The following HEXB variants were observed in gnomAD, a reference collection of about 807,000 sequenced individuals.
HEXB encodes the protein beta-hexosaminidase subunit beta.
HEXB carries 51 observed loss-of-function variants against 71.2 expected under a neutral mutation model. The ratio of observed to expected loss-of-function variants is 0.72; its 90% confidence interval spans 0.57 to 0.90. The LOEUF is 0.90. Among genes scored for constraint, HEXB ranks in the 40% least tolerant of loss-of-function variants. The probability of loss-of-function intolerance (pLI) is 0.00; values close to 1 mark genes in which losing one functional copy is unlikely to be tolerated. For missense variants in HEXB, 617 were observed against 677.0 expected, an observed-to-expected ratio of 0.91 and a Z score of 0.98; for synonymous variants, 266 against 249.3, an observed-to-expected ratio of 1.07 and a Z score of -0.63.
chr5:74,654,587 A>G, intron 1 of HEXB, among the ~76,000 whole-genome samples: 1 of 152,210 alleles, frequency 6.6e-6, no homozygotes, highest in East Asian at 1.9e-4. Context: ...TTCTAGGCAG[A>G]TGAGGGAAGG....
intron 1 of HEXB, among the ~76,000 whole-genome samples, chr5:74,671,888 A>G (rs556396479): frequency 8.5e-5 from 13 of 152,230 alleles, no homozygotes; most frequent in African/African-American, 3.1e-4. Context: ...TCTGTCTGCA[A>G]TGGGAGGACT....
At chr5:74,655,444 G>C (rs4704154) in intron 1 of HEXB, among the ~76,000 whole-genome samples, 39,216 of 151,226 alleles carry the variant, frequency 0.26, 5,413 homozygotes, top group Admixed American at 0.37. Flanking sequence ...TCCTGAGTAG[G>C]TGAGATTACA....
At chr5:74,695,108 A>C (rs1295676180) in intron 3 of HEXB, among the ~76,000 whole-genome samples, 2 of 152,128 alleles carry the variant, frequency 1.3e-5, no homozygotes, top group East Asian at 3.9e-4. Flanking sequence ...ATTTACTACA[A>C]ATGTAATTTT....
rs751120507 is a variant in HEXB, at chr5:74,705,216, C to T, written c.670-3C>T. ...AATAATTTTTAAATATGTTTGCTTG[C>T]AGGATGCCATGGCTTTTAATAAGTT... On this transcript the variant is annotated splice_polypyrimidine_tract_variant and splice_region_variant and intron_variant, in intron 5 of 13. Coordinates refer to ENST00000261416, the MANE Select transcript of HEXB (RefSeq NM_000521.4). 1.9e-6 allele frequency: 3 copies of T among 1,567,480 alleles called. No individual in the cohort carries two copies. In the Admixed American group the frequency reaches 5.0e-5, roughly 26 times the overall value.
At chr5:74,678,114 T>A (rs1748669517) in intron 1 of HEXB, among the ~76,000 whole-genome samples, 1 of 151,980 alleles carries the variant, frequency 6.6e-6, no homozygotes, top group African/African-American at 2.4e-5. Context: ...CTGGCCAACA[T>A]GGTGAAACCC....
chr5:74,662,148 C>T (rs1044297336), intron 1 of HEXB, among the ~76,000 whole-genome samples: 1 of 151,808 alleles, frequency 6.6e-6, no homozygotes, highest in Non-Finnish European at 1.5e-5. Context: ...CCAGAGAAAA[C>T]CACCATGATT....
Position 74,718,834 on chromosome 5 carries a change from G to A in HEXB, c.1280G>A (p.Ser427Asn), listed in dbSNP as rs753259431. 9.3e-6 allele frequency: 15 copies of A among 1,614,028 alleles called. No individual in the cohort carries two copies. The highest frequency in any genetic ancestry group is 1.3e-5 in the Non-Finnish European group (15 of 1,180,020). Reference sequence around the variant, plus strand: ...ACAATAGTTGAAGTATGGAAAGACAGCGCATATCCTGAGGAACTCAGTAGA... The same window carrying A: ...ACAATAGTTGAAGTATGGAAAGACAACGCATATCCTGAGGAACTCAGTAGA... ...PGTIVEVWKD[S>N]AYPEELSRVT... is the part of the protein sequence containing the mutation. Residue 427 changes from serine to asparagine, a missense_variant, in exon 11 of 14, where the codon AGC becomes AAC. Ser to Asn is a conservative substitution (Grantham distance 46). Coordinates refer to ENST00000261416, the MANE Select transcript of HEXB (RefSeq NM_000521.4).
intron 7 of HEXB, among the ~76,000 whole-genome samples, chr5:74,714,065 C>T (rs948227563): frequency 6.6e-6 from 1 of 152,150 alleles, no homozygotes; most frequent in Non-Finnish European, 1.5e-5. Flanking sequence ...TTGATCTCCC[C>T]TCCTCATGAT....
intron 11 of HEXB, among the ~76,000 whole-genome samples, chr5:74,719,709 C>T (rs1292483768): frequency 3.9e-5 from 6 of 152,020 alleles, no homozygotes; most frequent in African/African-American, 9.6e-5. Flanking sequence ...TTTGGGAGGC[C>T]GAGGCAGGTG....
At chr5:74,651,257 A>G (rs1468092785) in intron 1 of HEXB, among the ~76,000 whole-genome samples, 1 of 152,222 alleles carries the variant, frequency 6.6e-6, no homozygotes, top group East Asian at 1.9e-4. Flanking sequence ...CAGCCTAAAC[A>G]TGGGTTCTCT....
At position 74,696,864 on chromosome 5, in the gene HEXB, A is replaced by G. The variant is rs1580383547; in HGVS notation, c.558+125A>G. ...CCCAGATATTTGTCTTAGCCGGTAA[A>G]TGTAAATTTCATACATTTTTGTTGT... On this transcript the variant is annotated intron_variant, in intron 4 of 13. Coordinates refer to ENST00000261416, the MANE Select transcript of HEXB (RefSeq NM_000521.4). 14 of 760,976 alleles carry G rather than the reference A, an allele frequency of 1.8e-5. No individual in the cohort carries two copies. In the East Asian group the frequency reaches 3.7e-4, roughly 20 times the overall value. 47.1% of individuals were successfully genotyped at this position (760,976 alleles called of 1,614,324 possible). A position where few individuals can be genotyped will look rare whatever the true frequency, so the allele number is the denominator to read the frequency against.
intron 5 of HEXB, among the ~76,000 whole-genome samples, chr5:74,700,546 C>G (rs897945505): frequency 2.0e-5 from 3 of 151,892 alleles, no homozygotes; most frequent in Admixed American, 6.6e-5. Context: ...ATCCTTCCAC[C>G]TTGGCCTCCC....
rs56146569 is a variant in HEXB, at chr5:74,652,432, G to T, written c.-377+11874G>T. The stretch of plus-strand genomic sequence containing the variant: ...AGTAGCCGTTTGCCTTCATGTATTT[G>T]CTTAATCAATGGTACGAAAATTGCA... On this transcript the variant is annotated intron_variant, in intron 1 of 13. Transcript: ENST00000511181. This position sits in a 1 kb window ranked among gnomAD's most constrained non-coding sequence, Gnocchi z 5.4. Among the ~76,000 whole-genome samples the T allele has an allele frequency of 0.22, 34,106 of 152,186 alleles. 4,167 individuals are homozygous for T. Among genetic ancestry groups the T allele is most frequent in the East Asian group, 0.51 (2,618 of 5,168 alleles).
chr5:74,717,534 G>A (rs1233347662), intron 9 of HEXB, among the ~76,000 whole-genome samples: 2 of 151,018 alleles, frequency 1.3e-5, no homozygotes, highest in African/African-American at 4.9e-5. Context: ...AGACCGTGCT[G>A]CTCTAGAGGG....
At chr5:74,664,952 C>T (rs1042283558) in intron 1 of HEXB, among the ~76,000 whole-genome samples, 1 of 152,088 alleles carries the variant, frequency 6.6e-6, no homozygotes, top group Non-Finnish European at 1.5e-5. Context: ...CTTGGAGAAG[C>T]GCATTTGGGA....
chr5:74,703,928 C>T (rs934705625), intron 5 of HEXB, among the ~76,000 whole-genome samples: 4 of 152,198 alleles, frequency 2.6e-5, no homozygotes, highest in Admixed American at 6.5e-5. Flanking sequence ...ATCTTCCTGC[C>T]TCAGCCTTCC....
intron 2 of HEXB, among the ~76,000 whole-genome samples, chr5:74,692,852 T>C (rs1749033090): frequency 6.6e-6 from 1 of 152,218 alleles, no homozygotes; most frequent in Non-Finnish European, 1.5e-5. Flanking sequence ...GGGTTTACTA[T>C]GTGGTTGATT....
At chr5:74,666,876 A>G (rs1748441497) in intron 1 of HEXB, among the ~76,000 whole-genome samples, 1 of 152,196 alleles carries the variant, frequency 6.6e-6, no homozygotes, top group African/African-American at 2.4e-5. Context: ...CTCTCAGAAC[A>G]TAATGGAGAC....
upstream of HEXB, among the ~76,000 whole-genome samples, chr5:74,683,163 A>C (rs1748770585): frequency 1.3e-5 from 2 of 152,178 alleles, no homozygotes; most frequent in Non-Finnish European, 2.9e-5. Context: ...TCTGGAACAA[A>C]AGTCTTGAGA....
Sources: allele counts gnomAD v4.1 joint callset (sites outside exome capture counted in the v4.1 genomes callset), GRCh38; gene constraint gnomAD v4.1.1; non-coding constraint Gnocchi (gnomAD v3.1); transcripts MANE v1.5; gene names NCBI Gene and HGNC (gene_info 2026-07-23, HGNC 2026-07-21).